Variants in ARHGAP23 observed in about 807,000 individuals in gnomAD.
The protein encoded by ARHGAP23 is rho GTPase-activating protein 23.
In ARHGAP23, 34 loss-of-function variants were observed where a neutral mutation model predicts 136.3. The ratio of observed to expected loss-of-function variants is 0.25; its 90% CI spans 0.19 to 0.33. The LOEUF is 0.33. Ranked by LOEUF, ARHGAP23 falls within the 10% of genes least tolerant of loss-of-function variation. The probability of loss-of-function intolerance (pLI) is 1.00; values close to 1 mark genes in which losing one functional copy is unlikely to be tolerated. For missense variants in ARHGAP23, 1,808 were observed against 2,139.0 expected, an observed-to-expected ratio of 0.85 and a Z score of 3.05; for synonymous variants, 832 against 920.5, an observed-to-expected ratio of 0.90 and a Z score of 1.74.
chr17:38,446,352 A>G (rs2039034309), intron 1 of ARHGAP23, among the ~76,000 whole-genome samples: 1 of 151,960 alleles, frequency 6.6e-6, no homozygotes, highest in Admixed American at 6.6e-5. Context: ...GCTAAATAAT[A>G]CAATTATTAT....
intron 21 of ARHGAP23, 54 bp from the exon 22 acceptor site, chr17:38,498,360 G>T (rs930305490): frequency 2.1e-6 from 3 of 1,433,802 alleles, no homozygotes; most frequent in East Asian, 2.6e-5. Flanking sequence ...CCTCTGGGGG[G>T]TTGGCAGCCC....
At chr17:38,445,908 A>G (rs1386363141) in intron 1 of ARHGAP23, among the ~76,000 whole-genome samples, 3 of 152,042 alleles carry the variant, frequency 2.0e-5, no homozygotes, top group Non-Finnish European at 4.4e-5. Context: ...TGCTGGGAAT[A>G]CAGGTGCTGG....
At chr17:38,476,490 G>T (rs540960631) in intron 11 of ARHGAP23, among the ~76,000 whole-genome samples, 1 of 152,286 alleles carries the variant, frequency 6.6e-6, no homozygotes, top group South Asian at 2.1e-4. Flanking sequence ...AAATCACATG[G>T]CCTGGCAAGT....
At chr17:38,492,033 A>G (rs1223022704) in intron 20 of ARHGAP23, among the ~76,000 whole-genome samples, 1 of 152,190 alleles carries the variant, frequency 6.6e-6, no homozygotes, top group Non-Finnish European at 1.5e-5. Context: ...GGGGCAGGGC[A>G]CAGGGCCTTG....
At chr17:38,504,100 CT>C (rs1269339082) in intron 23 of ARHGAP23, among the ~76,000 whole-genome samples, 1 of 152,162 alleles carries the variant, frequency 6.6e-6, no homozygotes, top group African/African-American at 2.4e-5. Flanking sequence ...AGGTGGCCTC[CT>C]TCCTTGGTTG....
intron 2 of ARHGAP23, 136 bp from the exon 3 acceptor site, chr17:38,460,769 A>G (rs1298117353): frequency 3.3e-6 from 5 of 1,519,670 alleles, no homozygotes; most frequent in Non-Finnish European, 3.5e-6. Flanking sequence ...CCCCTCCCGC[A>G]CCCTCCCCTG....
intron 14 of ARHGAP23, among the ~76,000 whole-genome samples, chr17:38,480,241 G>A (rs780665801): frequency 5.3e-5 from 8 of 152,138 alleles, no homozygotes; most frequent in South Asian, 2.1e-4. Context: ...TGGCTCACAC[G>A]TGTAATCCCA....
At position 38,510,928 on chromosome 17, in the gene ARHGAP23, C is replaced by T. The variant is rs940339970; in HGVS notation, c.4432C>T (p.Pro1478Ser). 4.1e-6 allele frequency: 6 copies of T among 1,472,676 alleles called. No individual in the cohort carries two copies. The highest frequency in any genetic ancestry group is 2.8e-5 in the East Asian group (1 of 35,228). 91.2% of individuals were successfully genotyped at this position (1,472,676 alleles called of 1,614,324 possible). A position where few individuals can be genotyped will look rare whatever the true frequency, so the allele number is the denominator to read the frequency against. The change falls in exon 24 of 24, where the codon CCC becomes TCC. Residue 1478 changes from proline to serine, a missense_variant. Pro to Ser is a moderately conservative substitution (Grantham distance 74). Coordinates refer to ENST00000622683, the MANE Select transcript of ARHGAP23 (RefSeq NM_001199417.2). The surrounding 1 kb of genome is among the most constrained non-coding windows in gnomAD (Gnocchi z 4.6). Reference protein sequence around the residue: ...PGDTGSLQSQPPRRSAASRLH... With the variant: ...PGDTGSLQSQSPRRSAASRLH... Reference sequence around the variant, plus strand: ...GGACACGGGGTCCCTGCAGAGCCAGCCCCCGCGCCGCTCGGCCGCCTCCCG... The same window carrying T: ...GGACACGGGGTCCCTGCAGAGCCAGTCCCCGCGCCGCTCGGCCGCCTCCCG...
chr17:38,432,635 C>T lies in ARHGAP23; in HGVS notation c.63+4087C>T, dbSNP rs114055985. On this transcript the variant is annotated intron_variant, in intron 1 of 23. Coordinates refer to ENST00000622683, the MANE Select transcript of ARHGAP23 (RefSeq NM_001199417.2). ...GGGAGATTGCAATGAGCCAAGATCA[C>T]GCCATTGCATTCTAGTCTGAGTGAC... Among the ~76,000 whole-genome samples, 1,318 of 151,630 alleles carry T rather than the reference C, an allele frequency of 8.7e-3. 18 individuals are homozygous for T. Among genetic ancestry groups the T allele is most frequent in the African/African-American group, 0.03 (1,247 of 41,304 alleles).
chr17:38,478,851 G>A (rs550485446), intron 12 of ARHGAP23, among the ~76,000 whole-genome samples: 15 of 152,306 alleles, frequency 9.8e-5, no homozygotes, highest in East Asian at 1.9e-4. Context: ...TCATGTGGGC[G>A]TCCCAGGCCT....
In ARHGAP23 at chr17:38,510,334, A is replaced by G. The variant is rs900199970; in HGVS notation, c.3838A>G (p.Ser1280Gly). ...GAGDEADDER[S>G]ELSHVETDTE... ...GGGGGATGAGGCGGACGACGAGCGT[A>G]GCGAGCTGAGCCACGTGGAGACGGA... Residue 1280 changes from serine to glycine, a missense_variant, in exon 24 of 24, where the codon AGC becomes GGC. Physicochemically the swap from Ser to Gly is moderately conservative, Grantham distance 56. This residue lies in a region of ARHGAP23 where 506 missense variants were observed against 455.8 expected (regional missense o/e 1.11). Coordinates refer to ENST00000622683, the MANE Select transcript of ARHGAP23 (RefSeq NM_001199417.2). The surrounding 1 kb of genome is among the most constrained non-coding windows in gnomAD (Gnocchi z 4.6). 2.3e-5 allele frequency: 29 copies of G among 1,252,642 alleles called. No homozygotes were observed. The highest frequency in any genetic ancestry group is 2.5e-5 in the Non-Finnish European group (25 of 998,732). 77.6% of individuals were successfully genotyped at this position (1,252,642 alleles called of 1,614,324 possible).
At chr17:38,454,741 G>A (rs558024406) in intron 1 of ARHGAP23, among the ~76,000 whole-genome samples, 7 of 152,220 alleles carry the variant, frequency 4.6e-5, no homozygotes, top group South Asian at 2.1e-4. Context: ...CGCCATGCCC[G>A]GCCTGAACAC....
chr17:38,471,798 T>C, intron 10 of ARHGAP23, 65 bp from the exon 11 acceptor site: 7 of 1,462,844 alleles, frequency 4.8e-6, no homozygotes, highest in Non-Finnish European at 6.5e-6. Flanking sequence ...AAGTGGTCCA[T>C]GGGGTTCCTG....
At chr17:38,484,351 C>G (rs369817026) in intron 16 of ARHGAP23, among the ~76,000 whole-genome samples, 4 of 152,056 alleles carry the variant, frequency 2.6e-5, no homozygotes, top group African/African-American at 4.8e-5. Flanking sequence ...GAGGGGCCGT[C>G]TCAGGGAGTG....
In ARHGAP23 at chr17:38,490,150, A is replaced by T; in HGVS notation, c.3035A>T (p.Glu1012Val). 6 of 1,551,758 alleles carry T rather than the reference A, an allele frequency of 3.9e-6. No homozygotes were observed. Among genetic ancestry groups the T allele is most frequent in the Non-Finnish European group, 5.2e-6 (6 of 1,146,874 alleles). The change falls in exon 18 of 24, where the codon GAG (glutamate) becomes GTG (valine). Residue 1012 changes from glutamate (E) to valine (V), a missense_variant. By Grantham distance (121) the Glu-to-Val change is moderately radical. Coordinates refer to ENST00000622683, the MANE Select transcript of ARHGAP23 (RefSeq NM_001199417.2). ...GCCAACCGCATTGAGGACGCGCGGG[A>T]GCGAATGAGGACGCTGCGGAAGCTG... The part of the protein sequence containing the change: ...IEANRIEDAR[E>V]RMRTLRKLIR...
rs1027478796 is a variant in ARHGAP23, at chr17:38,510,048, G to A, written c.3552G>A (p.Gly1184=). Residue 1184 remains glycine (G), a synonymous_variant, in exon 24 of 24, where the codon GGG becomes GGA. Transcript: ENST00000622683. The surrounding 1 kb of genome is among the most constrained non-coding windows in gnomAD (Gnocchi z 4.6). ...GCAAGAAGCGGCGGGAGGCGCGGGG[G>A]CTGGGCAGCAGCACCGACGACGACT... is the stretch of plus-strand genomic sequence containing the variant. ...RKRKKRREAR[G]LGSSTDDDSE... 47 of 1,242,678 alleles carry A rather than the reference G, an allele frequency of 3.8e-5. No homozygotes were observed. Among genetic ancestry groups the A allele is most frequent in the South Asian group, 1.1e-4 (3 of 26,380 alleles). 77.0% of individuals were successfully genotyped at this position (1,242,678 alleles called of 1,614,324 possible). A position where few individuals can be genotyped will look rare whatever the true frequency, so the allele number is the denominator to read the frequency against.
At chr17:38,436,774 C>T (rs9906975) in intron 1 of ARHGAP23, among the ~76,000 whole-genome samples, 88,316 of 152,012 alleles carry the variant, frequency 0.58, 26,334 homozygotes, top group African/African-American at 0.71. Flanking sequence ...AATGTAAAAA[C>T]GGCCCAGTCT....
At chr17:38,419,351 C>T (rs1597726542) in exon 1 of ARHGAP23, 1 of 151,970 alleles carries the variant, frequency 6.6e-6, no homozygotes, top group East Asian at 2.0e-4. Flanking sequence ...CCTGCGCCCC[C>T]CGGGGCCGGC....
intron 1 of ARHGAP23, among the ~76,000 whole-genome samples, chr17:38,423,076 C>A (rs558739149): frequency 6.6e-6 from 1 of 152,320 alleles, no homozygotes; most frequent in East Asian, 1.9e-4. Flanking sequence ...TGTGCTTGCA[C>A]CACAATCTCA....
Sources: gnomAD v4.1 joint callset for allele counts (sites outside exome capture counted in the v4.1 genomes callset) on GRCh38, gnomAD v4.1.1 for gene constraint, gnomAD v4.1.1 regional missense constraint, Gnocchi (gnomAD v3.1) non-coding constraint, MANE v1.5 for transcripts, NCBI Gene and HGNC (gene_info 2026-07-23, HGNC 2026-07-21) for gene names.